GALNTL6: variants seen among roughly 807,000 people sequenced by gnomAD.
GALNTL6 encodes polypeptide N-acetylgalactosaminyltransferase like 6, also known as polypeptide N-acetylgalactosaminyltransferase-like 6.
In GALNTL6, 46 loss-of-function variants were observed where a neutral mutation model predicts 73.7. The ratio of observed to expected loss-of-function variants is 0.62; its 90% CI spans 0.49 to 0.80. The LOEUF (loss-of-function observed/expected upper bound fraction) is 0.80, where lower values mean the gene tolerates loss of function less well. Among genes scored for constraint, GALNTL6 ranks in the 30% least tolerant of loss-of-function variants. The pLI, the probability that GALNTL6 is intolerant of heterozygous loss-of-function variation, is 0.00. For missense variants in GALNTL6, 604 were observed against 755.0 expected (o/e 0.80, Z 2.34); for synonymous variants, 259 against 263.7 (o/e 0.98, Z 0.17).
At chr4:172,804,590 G>C (rs73871835) in intron 5 of GALNTL6, among the ~76,000 whole-genome samples, 3 of 152,174 alleles carry the variant, frequency 2.0e-5, no homozygotes, top group Non-Finnish European at 4.4e-5. Context: ...CTGGGGCAGC[G>C]GTTGGCATGA....
intron 2 of GALNTL6, among the ~76,000 whole-genome samples, chr4:171,986,751 A>G (rs1740104555): frequency 6.6e-6 from 1 of 152,086 alleles, no homozygotes; most frequent in Non-Finnish European, 1.5e-5. Flanking sequence ...AACTAAATGG[A>G]GTAAGAGAAG....
chr4:173,015,266 G>C (rs1752732138), intron 11 of GALNTL6, among the ~76,000 whole-genome samples: 1 of 152,200 alleles, frequency 6.6e-6, no homozygotes, highest in Non-Finnish European at 1.5e-5. Flanking sequence ...TACTGGTAGG[G>C]TAGGGTGCTG....
At chr4:172,279,990 C>T (rs1397957134) in intron 3 of GALNTL6, among the ~76,000 whole-genome samples, 4 of 152,064 alleles carry the variant, frequency 2.6e-5, no homozygotes, top group Admixed American at 6.6e-5. Flanking sequence ...AGACAAATAA[C>T]GTATGAACCT....
intron 2 of GALNTL6, among the ~76,000 whole-genome samples, chr4:171,914,652 G>T (rs891762588): frequency 2.6e-5 from 4 of 151,360 alleles, no homozygotes; most frequent in African/African-American, 9.7e-5. Context: ...CTAACCTCAG[G>T]CAATCTGCCC....
intron 2 of GALNTL6, among the ~76,000 whole-genome samples, chr4:171,848,702 C>T (rs1417221140): frequency 6.6e-6 from 1 of 152,192 alleles, no homozygotes; most frequent in African/African-American, 2.4e-5. Flanking sequence ...CTCCTGGCTT[C>T]CAACTTTTCT....
intron 5 of GALNTL6, among the ~76,000 whole-genome samples, chr4:172,612,131 C>T (rs1328774983): frequency 6.6e-6 from 1 of 151,986 alleles, no homozygotes; most frequent in Non-Finnish European, 1.5e-5. Context: ...TAATAATAGT[C>T]TCTCATGAAT....
chr4:172,568,979 C>T (rs1038161482), intron 5 of GALNTL6, among the ~76,000 whole-genome samples: 67 of 151,612 alleles, frequency 4.4e-4, no homozygotes, highest in Non-Finnish European at 8.4e-4. Context: ...CAAGAGAATT[C>T]TTCTTCCAGT....
intron 7 of GALNTL6, among the ~76,000 whole-genome samples, chr4:172,845,110 C>T (rs1425881271): frequency 6.7e-6 from 1 of 150,292 alleles, no homozygotes; most frequent in African/African-American, 2.5e-5. Flanking sequence ...CACTGCCACT[C>T]TGGAGGGTGA....
intron 11 of GALNTL6, among the ~76,000 whole-genome samples, chr4:173,020,966 G>C (rs945342015): frequency 4.6e-5 from 7 of 152,104 alleles, no homozygotes; most frequent in Admixed American, 3.9e-4. Context: ...CCAGCTACTC[G>C]GGAGGCTGAG....
intron 2 of GALNTL6, among the ~76,000 whole-genome samples, chr4:171,938,070 C>A (rs1399079915): frequency 6.6e-6 from 1 of 152,108 alleles, no homozygotes; most frequent in Non-Finnish European, 1.5e-5. Context: ...CTTCAAAACA[C>A]ACCAAAGATG....
chr4:173,024,531 TTATC>T (rs2126522777), intron 12 of GALNTL6, among the ~76,000 whole-genome samples: 1 of 152,340 alleles, frequency 6.6e-6, no homozygotes, highest in Admixed American at 6.5e-5. Context: ...GTGTGTTACC[TTATC>T]TATTTGGATG....
At chr4:172,242,523 A>C (rs563442217) in intron 3 of GALNTL6, among the ~76,000 whole-genome samples, 116 of 152,264 alleles carry the variant, frequency 7.6e-4, no homozygotes, top group Non-Finnish European at 1.1e-3. Context: ...GCTGGTTTCA[A>C]CTGTTCTATA....
At chr4:172,478,601 C>G (rs770062993) in intron 5 of GALNTL6, among the ~76,000 whole-genome samples, 11 of 151,806 alleles carry the variant, frequency 7.2e-5, no homozygotes, top group South Asian at 2.1e-4. Flanking sequence ...TAGGCCTAGG[C>G]AAAGAGTTTA....
intron 2 of GALNTL6, among the ~76,000 whole-genome samples, chr4:171,902,526 G>A (rs1355986234): frequency 1.3e-5 from 2 of 152,158 alleles, no homozygotes; most frequent in African/African-American, 2.4e-5. Flanking sequence ...ATGTTTTGAA[G>A]GGACACAGGA....
At chr4:172,496,289 C>T (rs770956332) in intron 5 of GALNTL6, among the ~76,000 whole-genome samples, 2 of 152,138 alleles carry the variant, frequency 1.3e-5, no homozygotes, top group Non-Finnish European at 2.9e-5. Context: ...TACAAGAGTA[C>T]CAAATTTTAC....
chr4:172,383,462 G>A (rs914981296), intron 5 of GALNTL6, among the ~76,000 whole-genome samples: 5 of 152,088 alleles, frequency 3.3e-5, no homozygotes, highest in Non-Finnish European at 7.4e-5. Context: ...TTTGAATTCT[G>A]CAATCTTGCT....
intron 3 of GALNTL6, among the ~76,000 whole-genome samples, chr4:172,309,780 T>C (rs1429545668): frequency 6.6e-6 from 1 of 151,990 alleles, no homozygotes; most frequent in African/African-American, 2.4e-5. Flanking sequence ...GAATAAGAAG[T>C]ATAAAAATAA....
chr4:172,910,429 G>A (rs1230336709), intron 8 of GALNTL6, among the ~76,000 whole-genome samples: 1 of 152,176 alleles, frequency 6.6e-6, no homozygotes. Context: ...AGGTGGAAGA[G>A]GATAGAATGG....
intron 10 of GALNTL6, among the ~76,000 whole-genome samples, chr4:172,984,478 T>C (rs1482754856): frequency 6.6e-6 from 1 of 152,212 alleles, no homozygotes; most frequent in Non-Finnish European, 1.5e-5. Flanking sequence ...TTACAATCAA[T>C]TCAAGGTGAT....
Sources: allele counts gnomAD v4.1 joint callset (sites outside exome capture counted in the v4.1 genomes callset), GRCh38; gene constraint gnomAD v4.1.1; transcripts MANE v1.5; gene names NCBI Gene and HGNC (gene_info 2026-07-23, HGNC 2026-07-21).